Variants in NCR1 observed in about 807,000 individuals in gnomAD.
The protein encoded by NCR1 is NK cell-activating receptor.
In NCR1, 30 loss-of-function variants were observed where a neutral mutation model predicts 32.5. The observed-to-expected ratio is 0.92, with a 90% CI of 0.69 to 1.25. The LOEUF (loss-of-function observed/expected upper bound fraction) is 1.25, where lower values mean the gene tolerates loss of function less well. NCR1 is among the 50% of genes most tolerant of loss of function. NCR1 has a pLI of 0.00. For synonymous variants in NCR1, 169 were observed against 143.4 expected (o/e 1.18, Z -1.28); for missense variants, 369 against 380.7 (o/e 0.97, Z 0.26).
the NCR1 span, among the ~76,000 whole-genome samples, chr19:54,923,297 A>T: frequency 6.6e-6 from 1 of 152,218 alleles, no homozygotes; most frequent in African/African-American, 2.4e-5. Context: ...GGTTGATCAC[A>T]TAAGTTATGA....
chr19:54,936,989 C>T, the NCR1 span, among the ~76,000 whole-genome samples: 4 of 151,294 alleles, frequency 2.6e-5, no homozygotes, highest in Non-Finnish European at 4.4e-5. Flanking sequence ...GAGGCCGAGG[C>T]GGGTGGATCA....
At chr19:54,899,467 G>A in the NCR1 span, among the ~76,000 whole-genome samples, 2 of 152,048 alleles carry the variant, frequency 1.3e-5, no homozygotes, top group Non-Finnish European at 2.9e-5. Context: ...TTACCTTCCA[G>A]AAAAGCGGGA....
chr19:54,909,800 T>C (rs1278071305), intron 4 of NCR1, among the ~76,000 whole-genome samples: 4 of 151,724 alleles, frequency 2.6e-5, no homozygotes, highest in African/African-American at 4.8e-5. Context: ...CCAGACGCAG[T>C]GGCGGACACC....
downstream of NCR1, among the ~76,000 whole-genome samples, chr19:54,917,001 G>A (rs2068149871): frequency 6.6e-6 from 1 of 152,030 alleles, no homozygotes; most frequent in East Asian, 1.9e-4. Context: ...CAACACTAAT[G>A]AGCTTCCTTC....
At chr19:54,900,423 A>G in the NCR1 span, among the ~76,000 whole-genome samples, 3 of 152,162 alleles carry the variant, frequency 2.0e-5, no homozygotes, top group Non-Finnish European at 4.4e-5. Flanking sequence ...TTGAGCCGGG[A>G]TGAGCCAGGA....
At chr19:54,926,192 TATA>T in the NCR1 span, among the ~76,000 whole-genome samples, 4 of 131,768 alleles carry the variant, frequency 3.0e-5, no homozygotes, top group African/African-American at 1.1e-4. Flanking sequence ...TATTTTTGGA[TATA>T]ATGATTAGGG....
chr19:54,906,139 G>T, upstream of NCR1: 1 of 1,613,290 alleles, frequency 6.2e-7, no homozygotes, highest in Non-Finnish European at 8.5e-7. Flanking sequence ...TCCCTGGCCC[G>T]CCCGGCTCAG....
chr19:54,937,695 C>G, the NCR1 span, among the ~76,000 whole-genome samples: 2 of 151,916 alleles, frequency 1.3e-5, no homozygotes, highest in Non-Finnish European at 2.9e-5. Context: ...GTCAGGAGCT[C>G]GAGATCAGCC....
At chr19:54,903,991 T>G (rs1472103889), upstream of NCR1, among the ~76,000 whole-genome samples, 2 of 151,678 alleles carry the variant, frequency 1.3e-5, no homozygotes, top group Admixed American at 1.3e-4. Flanking sequence ...CTGGGCGTGG[T>G]GTTGGGTGTC....
chr19:54,934,966 G>A, the NCR1 span, among the ~76,000 whole-genome samples: 1 of 151,894 alleles, frequency 6.6e-6, no homozygotes, highest in South Asian at 2.1e-4. The surrounding 1 kb of genome is among the most constrained non-coding windows in gnomAD (Gnocchi z 6.7). Flanking sequence ...CGAAGTACTG[G>A]GATTACAGGT....
At chr19:54,919,884 A>T (rs1445039939), downstream of NCR1, among the ~76,000 whole-genome samples, 1 of 152,212 alleles carries the variant, frequency 6.6e-6, no homozygotes, top group African/African-American at 2.4e-5. Context: ...CGGGCATAAC[A>T]GAAGGCTCGC....
the NCR1 span, chr19:54,923,449 C>T: frequency 1.4e-5 from 7 of 486,272 alleles, no homozygotes; most frequent in Admixed American, 2.0e-4. Context: ...TCCTCCTAGA[C>T]AAAGCACAGA....
At position 54,906,526 on chromosome 19, in the gene NCR1, C is replaced by T; in HGVS notation, c.74C>T (p.Thr25Ile). The T allele has an allele frequency of 6.2e-7, 1 of 1,606,358 alleles. No individual in the cohort carries two copies. Among genetic ancestry groups the T allele is most frequent in the South Asian group, 1.1e-5 (1 of 91,074 alleles). ...LSQRISAQQQ[T>I]LPKPFIWAEP... ...CCAGCCTCTGATTCCCTTCCAGAGA[C>T]TCTCCCAAAACCGTTCATCTGGGCC... Residue 25 changes from threonine (T) to isoleucine (I), a missense_variant, in exon 3 of 7, where the codon ACT becomes ATT. Thr to Ile is a moderately conservative substitution (Grantham distance 89, BLOSUM62 -1). Coordinates refer to ENST00000291890, the MANE Select transcript of NCR1 (RefSeq NM_004829.7).
At chr19:54,923,701 C>T in the NCR1 span, 1 of 1,611,118 alleles carries the variant, frequency 6.2e-7, no homozygotes, top group Non-Finnish European at 8.5e-7. Flanking sequence ...AGACCCGAAT[C>T]CCGCTTCCTG....
downstream of NCR1, among the ~76,000 whole-genome samples, chr19:54,914,258 C>T (rs368647181): frequency 2.8e-5 from 4 of 144,212 alleles, no homozygotes; most frequent in Middle Eastern, 3.8e-3. Flanking sequence ...ATGTGCACAA[C>T]GTGCAGGTTA....
chr19:54,932,193 C>T, the NCR1 span, among the ~76,000 whole-genome samples: 1 of 151,882 alleles, frequency 6.6e-6, no homozygotes, highest in East Asian at 1.9e-4. Context: ...TTTGGGAGGC[C>T]GAGGCAGGCA....
intron 1 of NCR1, 31 bp from the exon 2 acceptor site, chr19:54,906,268 G>A: frequency 1.2e-6 from 2 of 1,614,178 alleles, no homozygotes; most frequent in South Asian, 1.1e-5. Context: ...GTGCCTGGGA[G>A]GCAACAGGTC....
the NCR1 span, chr19:54,923,700 T>C: frequency 6.2e-7 from 1 of 1,611,108 alleles, no homozygotes; most frequent in Non-Finnish European, 8.5e-7. Context: ...GAGACCCGAA[T>C]CCCGCTTCCT....
At chr19:54,934,020 GC>G in the NCR1 span, among the ~76,000 whole-genome samples, 1 of 152,142 alleles carries the variant, frequency 6.6e-6, no homozygotes, top group Non-Finnish European at 1.5e-5. This position sits in a 1 kb window ranked among gnomAD's most constrained non-coding sequence, Gnocchi z 6.7. Flanking sequence ...TCGGTTCACT[GC>G]CAATCGCCGC....
Sources: gnomAD v4.1 joint callset for allele counts (sites outside exome capture counted in the v4.1 genomes callset) on GRCh38, gnomAD v4.1.1 for gene constraint, Gnocchi (gnomAD v3.1) non-coding constraint, MANE v1.5 for transcripts, NCBI Gene and HGNC (gene_info 2026-07-23, HGNC 2026-07-21) for gene names.